The following GRM5 variants were observed in gnomAD, a reference collection of about 807,000 sequenced individuals.
GRM5 encodes metabotropic glutamate receptor 5.
In GRM5, 19 loss-of-function variants were observed where a neutral mutation model predicts 83.1. That is an observed-to-expected ratio of 0.23 (90% CI 0.16 to 0.34). The LOEUF is 0.34. Ranked by LOEUF, GRM5 falls within the 10% of genes least tolerant of loss-of-function variation. The pLI is 1.00. For synonymous variants in GRM5, 675 were observed against 633.6 expected, an observed-to-expected ratio of 1.07 and a Z score of -0.98; for missense variants, 1,160 against 1,588.3, an observed-to-expected ratio of 0.73 and a Z score of 4.58.
intron 3 of GRM5, among the ~76,000 whole-genome samples, chr11:88,811,144 G>T (rs1030070989): frequency 1.3e-5 from 2 of 151,938 alleles, no homozygotes; most frequent in East Asian, 1.9e-4. Context: ...AACAACACTG[G>T]GGGGTGGATC....
chr11:88,712,068 T>C (rs1941294192), intron 3 of GRM5, among the ~76,000 whole-genome samples: 2 of 152,090 alleles, frequency 1.3e-5, no homozygotes, highest in African/African-American at 4.8e-5. Flanking sequence ...ACAGAAGGTA[T>C]AGAAGTAATT....
At chr11:88,987,859 T>C (rs930913782) in intron 2 of GRM5, among the ~76,000 whole-genome samples, 1 of 151,070 alleles carries the variant, frequency 6.6e-6, no homozygotes, top group Non-Finnish European at 1.5e-5. Context: ...AACCCATCTG[T>C]ACATCACCAT....
chr11:88,770,319 A>G (rs1942707690), intron 3 of GRM5, among the ~76,000 whole-genome samples: 1 of 152,118 alleles, frequency 6.6e-6, no homozygotes, highest in Non-Finnish European at 1.5e-5. Context: ...TAAACTATGG[A>G]CTTCTTAATA....
intron 3 of GRM5, among the ~76,000 whole-genome samples, chr11:88,731,916 G>A (rs1167932040): frequency 6.6e-6 from 1 of 152,060 alleles, no homozygotes; most frequent in Non-Finnish European, 1.5e-5. Flanking sequence ...GCTGCAGGCT[G>A]AGCTGACCTA....
intron 1 of GRM5, chr11:89,063,610 C>T (rs1030665265): frequency 2.6e-5 from 4 of 152,322 alleles, no homozygotes; most frequent in African/African-American, 9.7e-5. Flanking sequence ...TGATCTCAAG[C>T]TCATTCCCTC....
chr11:89,035,559 G>A (rs1941363976), intron 2 of GRM5, among the ~76,000 whole-genome samples: 1 of 151,738 alleles, frequency 6.6e-6, no homozygotes, highest in African/African-American at 2.4e-5. Flanking sequence ...TGTTCTTGAG[G>A]AAAGGAATGC....
At chr11:88,739,567 C>T (rs897010585) in intron 3 of GRM5, among the ~76,000 whole-genome samples, 3 of 151,942 alleles carry the variant, frequency 2.0e-5, no homozygotes, top group African/African-American at 4.8e-5. Context: ...GTAATTCCCA[C>T]GTGGGGAGGG....
At chr11:89,055,707 A>T (rs1001451837) in intron 1 of GRM5, among the ~76,000 whole-genome samples, 2 of 151,926 alleles carry the variant, frequency 1.3e-5, no homozygotes, top group South Asian at 2.1e-4. Context: ...TTTAATATGA[A>T]ATCTCTCTCA....
At chr11:88,978,779 TC>T (rs1939424796) in intron 2 of GRM5, among the ~76,000 whole-genome samples, 1 of 152,156 alleles carries the variant, frequency 6.6e-6, no homozygotes, top group Admixed American at 6.5e-5. Context: ...CATAGAATCC[TC>T]CCATTCTCTA....
At chr11:88,859,802 T>C (rs561240574) in intron 2 of GRM5, among the ~76,000 whole-genome samples, 6 of 152,184 alleles carry the variant, frequency 3.9e-5, no homozygotes, top group Non-Finnish European at 8.8e-5. Context: ...TCAGCAAACA[T>C]AATATTTAAT....
intron 3 of GRM5, among the ~76,000 whole-genome samples, chr11:88,684,949 T>C (rs184148640): frequency 6.6e-6 from 1 of 152,304 alleles, no homozygotes; most frequent in African/African-American, 2.4e-5. Flanking sequence ...ATTAGCAGCA[T>C]GAAAACAGAC....
chr11:88,656,984 G>T (rs117156760), intron 3 of GRM5, among the ~76,000 whole-genome samples: 3 of 152,040 alleles, frequency 2.0e-5, no homozygotes, highest in African/African-American at 7.2e-5. Context: ...GTGTCCTGGA[G>T]CCAATGCTCT....
chr11:88,845,639 T>A (rs1371699175), intron 3 of GRM5, among the ~76,000 whole-genome samples: 1 of 151,886 alleles, frequency 6.6e-6, no homozygotes, highest in African/African-American at 2.4e-5. Context: ...TTCACCGTGT[T>A]AGCCAGGATG....
rs556487215 is a variant in GRM5, at chr11:88,939,917, C to T, written c.662-89762G>A. ...AGCAGACCATGTGCAAATAACTGTA[C>T]ATAGGCTGGGGTGGCAGTAGTTGAA... On this transcript the variant is annotated intron_variant, in intron 2 of 9. Coordinates refer to ENST00000305447, the MANE Select transcript of GRM5 (RefSeq NM_001143831.3). 1.8e-4 allele frequency among the ~76,000 whole-genome samples: 27 copies of T among 151,874 alleles called. No homozygotes were observed. The South Asian group carries it at 5.4e-3, about 30-fold the overall frequency.
chr11:88,815,460 C>G (rs1438462365), intron 3 of GRM5, among the ~76,000 whole-genome samples: 1 of 152,060 alleles, frequency 6.6e-6, no homozygotes, highest in Non-Finnish European at 1.5e-5. Flanking sequence ...AAAGAAGGTT[C>G]TTAATTGAGT....
At chr11:88,722,580 T>C (rs1941572500) in intron 3 of GRM5, among the ~76,000 whole-genome samples, 1 of 152,156 alleles carries the variant, frequency 6.6e-6, no homozygotes, top group Non-Finnish European at 1.5e-5. Flanking sequence ...AATCTTTATA[T>C]ACTAAGACAA....
At position 88,687,574 on chromosome 11, in the gene GRM5, TA is replaced by T. The variant is rs1270896095; in HGVS notation, c.912-34172del. ...CACACATATATATTATATATATATA[TA>T]TATAATATATATATATATATATTCT... On this transcript the variant is annotated intron_variant, in intron 3 of 9. Coordinates refer to ENST00000305447, the MANE Select transcript of GRM5 (RefSeq NM_001143831.3). Among the ~76,000 whole-genome samples the T allele has an allele frequency of 3.3e-4, 11 of 33,640 alleles. 2 individuals are homozygous for T. Among genetic ancestry groups the T allele is most frequent in the Admixed American group, 4.7e-4 (1 of 2,134 alleles). The allele number at this position is 33,640 out of a possible 152,430, so 22.1% of individuals were successfully genotyped here.
chr11:88,735,024 G>T (rs1346170207), intron 3 of GRM5, among the ~76,000 whole-genome samples: 2 of 151,902 alleles, frequency 1.3e-5, no homozygotes, highest in Admixed American at 6.6e-5. Context: ...ATCTTATTGA[G>T]ATTGCACATT....
chr11:88,727,788 A>G (rs1172223232), intron 3 of GRM5, among the ~76,000 whole-genome samples: 1 of 152,222 alleles, frequency 6.6e-6, no homozygotes, highest in Non-Finnish European at 1.5e-5. Flanking sequence ...ACTACTGAGT[A>G]AATAACAAAA....
Sources: allele counts gnomAD v4.1 joint callset (sites outside exome capture counted in the v4.1 genomes callset), GRCh38; gene constraint gnomAD v4.1.1; transcripts MANE v1.5; gene names NCBI Gene and HGNC (gene_info 2026-07-23, HGNC 2026-07-21).